Variants in ARHGAP32 observed in about 807,000 individuals in gnomAD.
The protein encoded by ARHGAP32 is Rho GTPase activating protein 32.
ARHGAP32 carries 51 observed loss-of-function variants against 186.5 expected under a neutral mutation model. The ratio of observed to expected loss-of-function variants is 0.27; its 90% CI spans 0.22 to 0.35. The LOEUF is 0.35. Among genes scored for constraint, ARHGAP32 ranks in the 10% least tolerant of loss-of-function variants. The probability of loss-of-function intolerance (pLI) is 1.00; values close to 1 mark genes in which losing one functional copy is unlikely to be tolerated. For synonymous variants in ARHGAP32, 950 were observed against 964.3 expected, an observed-to-expected ratio of 0.99 and a Z score of 0.27; for missense variants, 2,186 against 2,623.5, an observed-to-expected ratio of 0.83 and a Z score of 3.64.
chr11:129,182,818 A>C (rs1448078811), intron 1 of ARHGAP32, among the ~76,000 whole-genome samples: 3 of 150,700 alleles, frequency 2.0e-5, no homozygotes, highest in African/African-American at 7.3e-5. Context: ...TAAGTTTTTT[A>C]TTTTTCTTTT....
intron 1 of ARHGAP32, among the ~76,000 whole-genome samples, chr11:129,277,005 G>A (rs570568581): frequency 7.2e-5 from 11 of 152,198 alleles, no homozygotes; most frequent in Non-Finnish European, 1.2e-4. Context: ...AAGAATATTA[G>A]TCTTACTCTT....
intron 10 of ARHGAP32, among the ~76,000 whole-genome samples, chr11:129,055,406 A>G (rs1312212558): frequency 6.6e-6 from 1 of 152,248 alleles, no homozygotes; most frequent in Admixed American, 6.5e-5. Context: ...TACTCTTACC[A>G]TATGATCCAG....
intron 6 of ARHGAP32, among the ~76,000 whole-genome samples, chr11:129,078,676 A>C (rs912127562): frequency 1.3e-5 from 2 of 151,928 alleles, no homozygotes; most frequent in African/African-American, 4.8e-5. Context: ...TATTTTTAGT[A>C]GAGACAGGGT....
chr11:129,267,671 A>T (rs924434639), intron 1 of ARHGAP32, among the ~76,000 whole-genome samples: 6 of 152,268 alleles, frequency 3.9e-5, no homozygotes, highest in African/African-American at 1.4e-4. Context: ...CATAACTTGC[A>T]TAGACATATG....
At chr11:128,982,541 T>C (rs1261662615) in intron 15 of ARHGAP32, among the ~76,000 whole-genome samples, 1 of 151,540 alleles carries the variant, frequency 6.6e-6, no homozygotes, top group African/African-American at 2.4e-5. Context: ...GTATTATCTA[T>C]CACCTAGCAT....
At chr11:129,236,184 A>G (rs1189372454) in intron 1 of ARHGAP32, among the ~76,000 whole-genome samples, 2 of 152,144 alleles carry the variant, frequency 1.3e-5, no homozygotes, top group South Asian at 2.1e-4. Flanking sequence ...TCCATTCCCA[A>G]TAACAGTGTA....
At chr11:129,141,801 CT>C (rs2135428997) in intron 2 of ARHGAP32, among the ~76,000 whole-genome samples, 1 of 146,594 alleles carries the variant, frequency 6.8e-6, no homozygotes, top group East Asian at 2.0e-4. Flanking sequence ...TTTTTTTTTT[CT>C]TTTCACTTTT....
intron 6 of ARHGAP32, among the ~76,000 whole-genome samples, chr11:129,088,938 T>C (rs1204886743): frequency 1.4e-5 from 2 of 138,310 alleles, no homozygotes; most frequent in African/African-American, 5.5e-5. Context: ...GTCGAGGCTG[T>C]AGTGAACTGT....
intron 8 of ARHGAP32, 34 bp from the exon 9 acceptor site, chr11:129,064,058 C>G: frequency 6.4e-7 from 1 of 1,552,164 alleles, no homozygotes; most frequent in Non-Finnish European, 8.7e-7. Flanking sequence ...GAGATAAAGA[C>G]ACTGGACTTG....
chr11:129,119,593 G>A (rs1942468796), intron 5 of ARHGAP32, among the ~76,000 whole-genome samples: 1 of 151,946 alleles, frequency 6.6e-6, no homozygotes, highest in African/African-American at 2.4e-5. Context: ...TAGATGTTGA[G>A]GGGAAGAAAA....
chr11:129,042,242 C>A (rs1440930939), intron 10 of ARHGAP32, among the ~76,000 whole-genome samples: 4 of 152,116 alleles, frequency 2.6e-5, no homozygotes, highest in Non-Finnish European at 5.9e-5. Flanking sequence ...CCTCGATCCC[C>A]CAGGCTCAAA....
intron 1 of ARHGAP32, among the ~76,000 whole-genome samples, chr11:129,231,926 G>A (rs1281065629): frequency 3.3e-5 from 5 of 149,332 alleles, no homozygotes; most frequent in Non-Finnish European, 3.0e-5. Context: ...TAAGGAGGCT[G>A]AGGTGGGAGG....
chr11:129,169,347 C>T (rs1410514801), intron 1 of ARHGAP32, among the ~76,000 whole-genome samples: 2 of 152,016 alleles, frequency 1.3e-5, no homozygotes, highest in Non-Finnish European at 2.9e-5. Flanking sequence ...GATTCTAAGG[C>T]TGGGCTGGGC....
chr11:129,258,131 T>C (rs1206924440), intron 1 of ARHGAP32, among the ~76,000 whole-genome samples: 4 of 152,358 alleles, frequency 2.6e-5, no homozygotes, highest in East Asian at 1.9e-4. Flanking sequence ...GGCAATTTTA[T>C]AGCACTTTGT....
At chr11:129,063,474 T>C (rs1940582213) in intron 9 of ARHGAP32, among the ~76,000 whole-genome samples, 1 of 152,174 alleles carries the variant, frequency 6.6e-6, no homozygotes. Flanking sequence ...AAAAAATGTA[T>C]CATTGGGTAT....
chr11:129,244,859 C>T (rs1397921558), intron 1 of ARHGAP32, among the ~76,000 whole-genome samples: 1 of 151,608 alleles, frequency 6.6e-6, no homozygotes, highest in African/African-American at 2.4e-5. Context: ...TGCTCACCAT[C>T]ACTGGCCATC....
At chr11:129,061,638 G>A (rs1033029039) in intron 10 of ARHGAP32, among the ~76,000 whole-genome samples, 13 of 152,168 alleles carry the variant, frequency 8.5e-5, no homozygotes, top group Admixed American at 7.9e-4. Flanking sequence ...GTGTGGATAT[G>A]CTGGACAAAG....
chr11:129,126,718 G>A (rs189997770), intron 2 of ARHGAP32, among the ~76,000 whole-genome samples: 2 of 152,120 alleles, frequency 1.3e-5, no homozygotes, highest in Non-Finnish European at 2.9e-5. Flanking sequence ...TGAGTATTAA[G>A]AATTGAGTGA....
chr11:129,026,437 G>C (rs994766932), intron 11 of ARHGAP32, among the ~76,000 whole-genome samples: 1 of 152,040 alleles, frequency 6.6e-6, no homozygotes, highest in African/African-American at 2.4e-5. Context: ...TGCATGGGTG[G>C]GAGAGGCAAA....
Sources: gnomAD v4.1 joint callset for allele counts (sites outside exome capture counted in the v4.1 genomes callset) on GRCh38, gnomAD v4.1.1 for gene constraint, MANE v1.5 for transcripts, NCBI Gene and HGNC (gene_info 2026-07-23, HGNC 2026-07-21) for gene names.